Variants in DAB1 observed in about 807,000 individuals in gnomAD.
DAB1 encodes the protein disabled homolog 1.
A neutral mutation model predicts 64.6 loss-of-function variants in DAB1; 15 were observed. That is an observed-to-expected ratio of 0.23 (90% CI 0.16 to 0.36). The LOEUF (loss-of-function observed/expected upper bound fraction) is 0.36. Ranked by LOEUF, DAB1 falls within the 10% of genes least tolerant of loss-of-function variation. The pLI is 1.00. For synonymous variants in DAB1, 235 were observed against 251.9 expected (o/e 0.93, Z 0.64); for missense variants, 596 against 706.7 (o/e 0.84, Z 1.78).
At chr1:57,738,553 T>C (rs1460144722) in intron 6 of DAB1, among the ~76,000 whole-genome samples, 1 of 151,992 alleles carries the variant, frequency 6.6e-6, no homozygotes, top group East Asian at 1.9e-4. Context: ...GTGTAATATA[T>C]TTTGTGTGTA....
chr1:57,499,616 A>G (rs989400221), intron 7 of DAB1, among the ~76,000 whole-genome samples: 24 of 152,308 alleles, frequency 1.6e-4, no homozygotes, highest in African/African-American at 5.8e-4. Context: ...GCATGTGATG[A>G]AAAACCAGGG....
intron 7 of DAB1, among the ~76,000 whole-genome samples, chr1:57,627,630 T>C (rs1645938595): frequency 6.6e-6 from 1 of 152,214 alleles, no homozygotes; most frequent in African/African-American, 2.4e-5. Flanking sequence ...CTGAATGGCA[T>C]ATAATAAATG....
intron 3 of DAB1, among the ~76,000 whole-genome samples, chr1:58,460,936 G>A (rs546954814): frequency 2.0e-5 from 3 of 152,316 alleles, no homozygotes; most frequent in South Asian, 2.1e-4. Context: ...CTCACTCCAT[G>A]TTTGGCTTTC....
At chr1:57,552,896 T>A (rs957730779) in intron 7 of DAB1, among the ~76,000 whole-genome samples, 1 of 152,130 alleles carries the variant, frequency 6.6e-6, no homozygotes, top group African/African-American at 2.4e-5. Context: ...AAACAGATGA[T>A]GAAGACATTA....
chr1:57,950,239 T>C (rs896337486), intron 5 of DAB1, among the ~76,000 whole-genome samples: 3 of 152,170 alleles, frequency 2.0e-5, no homozygotes, highest in Admixed American at 6.6e-5. Context: ...ATATTGATAA[T>C]AATAATATCT....
At chr1:57,170,239 T>C (rs923507662) in intron 2 of DAB1, among the ~76,000 whole-genome samples, 5 of 152,120 alleles carry the variant, frequency 3.3e-5, no homozygotes, top group Admixed American at 2.0e-4. Flanking sequence ...CCCCAAGTGA[T>C]CCAACTGCCT....
intron 1 of DAB1, among the ~76,000 whole-genome samples, chr1:57,373,603 C>G (rs1221043990): frequency 2.0e-5 from 3 of 152,118 alleles, no homozygotes; most frequent in Non-Finnish European, 4.4e-5. Flanking sequence ...GTTTATCTGC[C>G]TCCCAAATTG....
chr1:57,374,815 A>G (rs1012625701), intron 1 of DAB1, among the ~76,000 whole-genome samples: 4 of 152,324 alleles, frequency 2.6e-5, no homozygotes, highest in East Asian at 1.9e-4. Flanking sequence ...AGTATTTTCT[A>G]GAAAATATTT....
intron 7 of DAB1, among the ~76,000 whole-genome samples, chr1:57,525,165 A>G (rs926298844): frequency 2.0e-5 from 3 of 152,202 alleles, no homozygotes; most frequent in African/African-American, 7.2e-5. Context: ...GAGCACAGTA[A>G]ACCAAGAAAT....
chr1:58,544,740 T>A (rs1646674273), intron 1 of DAB1, among the ~76,000 whole-genome samples: 2 of 152,104 alleles, frequency 1.3e-5, no homozygotes, highest in African/African-American at 4.8e-5. Flanking sequence ...ATTACAAGCA[T>A]GCATTACCAC....
chr1:57,274,642 G>A (rs145040501), intron 2 of DAB1, among the ~76,000 whole-genome samples: 6 of 152,068 alleles, frequency 3.9e-5, no homozygotes, highest in South Asian at 2.1e-4. Context: ...GTGCAGCTGC[G>A]CCATCTCAGC....
intron 4 of DAB1, among the ~76,000 whole-genome samples, chr1:57,074,495 G>A (rs1053495422): frequency 1.8e-4 from 27 of 152,098 alleles, no homozygotes; most frequent in Admixed American, 2.6e-4. Flanking sequence ...GATGGTCATC[G>A]CCGTAGTTCT....
intron 7 of DAB1, among the ~76,000 whole-genome samples, chr1:57,498,154 G>C (rs1025410511): frequency 2.6e-5 from 4 of 152,230 alleles, no homozygotes; most frequent in Non-Finnish European, 4.4e-5. Context: ...GAGAATCCTG[G>C]AAGAGGACCA....
At chr1:57,708,965 G>A (rs1163261428) in intron 6 of DAB1, among the ~76,000 whole-genome samples, 3 of 152,054 alleles carry the variant, frequency 2.0e-5, no homozygotes, top group African/African-American at 7.2e-5. Flanking sequence ...GTTCCTGCAG[G>A]AAACAATCAC....
intron 2 of DAB1, among the ~76,000 whole-genome samples, chr1:57,151,974 C>A (rs371582187): frequency 6.6e-6 from 1 of 151,812 alleles, no homozygotes; most frequent in Admixed American, 6.6e-5. Context: ...CCACCATGCC[C>A]GGCTGATTTT....
intron 3 of DAB1, among the ~76,000 whole-genome samples, chr1:57,143,744 T>C (rs1020049543): frequency 6.6e-6 from 1 of 152,044 alleles, no homozygotes; most frequent in African/African-American, 2.4e-5. Context: ...TCAGCATCTA[T>C]GAAAGTAAAG....
At chr1:58,487,311 G>A (rs1049867093) in intron 3 of DAB1, among the ~76,000 whole-genome samples, 3 of 152,174 alleles carry the variant, frequency 2.0e-5, no homozygotes, top group Non-Finnish European at 2.9e-5. Flanking sequence ...TGTTTTAATA[G>A]CTTTTCTTTT....
chr1:57,786,062 C>A lies in DAB1; in HGVS notation n.551+97937G>T, dbSNP rs369148261. On this transcript the variant is annotated intron_variant and non_coding_transcript_variant, in intron 6 of 20. Transcript: ENST00000485760. ...ATCAATATCAAAGCATGACTCTCCA[C>A]CAGCAAAGAAGATCACGACTCCTCT... Among the ~76,000 whole-genome samples the A allele has an allele frequency of 7.0e-4, 106 of 152,312 alleles. 1 individual carries two copies. In the Middle Eastern group the frequency reaches 0.017, roughly 24 times the overall value.
chr1:57,195,869 C>T (rs1664582833), intron 2 of DAB1, among the ~76,000 whole-genome samples: 1 of 152,204 alleles, frequency 6.6e-6, no homozygotes, highest in Non-Finnish European at 1.5e-5. Flanking sequence ...AAGTGCCCAG[C>T]TTTGTAGGTA....
Sources: allele counts gnomAD v4.1 joint callset (sites outside exome capture counted in the v4.1 genomes callset), GRCh38; gene constraint gnomAD v4.1.1; transcripts MANE v1.5; gene names NCBI Gene and HGNC (gene_info 2026-07-23, HGNC 2026-07-21).